Variants in PLCB2 observed in about 807,000 individuals in gnomAD.
The protein encoded by PLCB2 is phospholipase C beta 2.
In PLCB2, 115 loss-of-function variants were observed where a neutral mutation model predicts 141.7. The observed-to-expected ratio is 0.81, with a 90% CI of 0.70 to 0.95. The LOEUF (loss-of-function observed/expected upper bound fraction) is 0.95. Ranked by LOEUF, PLCB2 falls within the 40% of genes least tolerant of loss-of-function variation. The pLI, the probability that PLCB2 is intolerant of heterozygous loss-of-function variation, is 0.00. For synonymous variants in PLCB2, 603 were observed against 595.6 expected (o/e 1.01, Z -0.18); for missense variants, 1,403 against 1,541.1 (o/e 0.91, Z 1.50).
At chr15:40,295,108 A>C in intron 17 of PLCB2, 48 bp from the exon 18 acceptor site, 1 of 1,610,036 alleles carries the variant, frequency 6.2e-7, no homozygotes, top group Non-Finnish European at 8.5e-7. Flanking sequence ...CACCAGGAGA[A>C]CCTAACAGCT....
rs774851076 is a variant in PLCB2, at chr15:40,296,296, G to A, written c.1696C>T (p.Gln566Ter). The change falls in exon 16 of 32, where the codon CAA (glutamine) becomes TAA (stop). Residue 566 changes from glutamine (Q) to a stop codon, truncating the protein, a stop_gained and splice_region_variant. Transcript: ENST00000260402. LOFTEE classifies it high-confidence loss of function. Reference sequence around the variant, plus strand: ...CCGTAAGTTACTCATGCTAACTTACGGGCAGAGAACTCAAAGGAGACGAAC... The same window carrying A: ...CCGTAAGTTACTCATGCTAACTTACAGGCAGAGAACTCAAAGGAGACGAAC... ...TKFVSFEFSA[Q>*]KNRSYVISSF... 6 of 1,611,244 alleles carry A rather than the reference G, an allele frequency of 3.7e-6. No homozygotes were observed. Among genetic ancestry groups the A allele is most frequent in the East Asian group, 2.2e-5 (1 of 44,854 alleles).
intron 7 of PLCB2, 64 bp from the exon 8 acceptor site, chr15:40,299,292 G>A (rs944057263): frequency 3.2e-5 from 36 of 1,133,792 alleles, no homozygotes; most frequent in Admixed American, 1.6e-4. Flanking sequence ...CCACAAACTC[G>A]GCCCAGCCCT....
rs1244027960 is a variant in PLCB2 at position 40,291,317 on chromosome 15, C to G, written c.2818G>C (p.Gly940Arg). Reference protein sequence around the residue: ...QLAELGPPGVGGVGACKLGPG... With the variant: ...QLAELGPPGVRGVGACKLGPG... ...CCGAGCTTGCAGGCCCCGACGCCCC[C>G]CACGCCCGGTGGCCCGAGCTCCGCC... Residue 940 changes from glycine to arginine, a missense_variant, in exon 26 of 32, where the codon GGG (glycine) becomes CGG (arginine). Gly to Arg is a moderately radical substitution (Grantham distance 125, BLOSUM62 -2). Around this residue, in one of 4 missense-constraint regions of PLCB2, gnomAD observed 290 missense variants for 245.9 expected, o/e 1.18. Transcript: ENST00000260402. 1 of 1,543,126 alleles carries G rather than the reference C, an allele frequency of 6.5e-7. No individual in the cohort carries two copies. Among genetic ancestry groups the G allele is most frequent in the Non-Finnish European group, 8.7e-7 (1 of 1,152,962 alleles).
intron 3 of PLCB2, among the ~76,000 whole-genome samples, chr15:40,302,933 C>T (rs946535189): frequency 6.6e-6 from 1 of 152,200 alleles, no homozygotes; most frequent in Non-Finnish European, 1.5e-5. Flanking sequence ...CCCACCAATC[C>T]CTTCCTCCAA....
chr15:40,294,894 G>A, intron 18 of PLCB2, 42 bp downstream of exon 18: 1 of 1,613,396 alleles, frequency 6.2e-7, no homozygotes, highest in Non-Finnish European at 8.5e-7. Context: ...GGGGGGCGCA[G>A]GGACCAGGGA....
At chr15:40,298,468 A>G in intron 10 of PLCB2, 88 bp from the exon 11 acceptor site, 1 of 1,596,990 alleles carries the variant, frequency 6.3e-7, no homozygotes, top group Non-Finnish European at 8.6e-7. Flanking sequence ...GGTCTGTGTT[A>G]TTCTCAGGGC....
At position 40,291,387 on chromosome 15, in the gene PLCB2, T is replaced by G; in HGVS notation, c.2748A>C (p.Gly916=). The G allele has an allele frequency of 6.5e-7, 1 of 1,533,632 alleles. No homozygotes were observed. Residue 916 remains glycine, a synonymous_variant, in exon 26 of 32, where the codon GGA becomes GGC. Transcript: ENST00000260402. ...EKELRELERR[G]ARRWEELLQR... is the part of the protein sequence containing the mutation. ...GCAGCAGCTCCTCCCAGCGCCGCGCTCCGCGCCGCTCCAACTCTCGCAGCT... is the reference window on the plus strand; with the variant it reads ...GCAGCAGCTCCTCCCAGCGCCGCGCGCCGCGCCGCTCCAACTCTCGCAGCT...
chr15:40,298,083 C>T lies in PLCB2; in HGVS notation c.1156-124G>A, dbSNP rs1415245697. Reference sequence around the variant, plus strand: ...TAACTGCATGGCCGCCATTGGCCCCCAATCCCTGCTGGTCCCCAATGGTCT... The same window carrying T: ...TAACTGCATGGCCGCCATTGGCCCCTAATCCCTGCTGGTCCCCAATGGTCT... On this transcript the variant is annotated intron_variant, in intron 11 of 31. Coordinates refer to ENST00000260402, the MANE Select transcript of PLCB2 (RefSeq NM_004573.3). 4.2e-6 allele frequency: 5 copies of T among 1,186,710 alleles called. No individual in the cohort carries two copies. In the East Asian group the frequency reaches 1.2e-4, roughly 29 times the overall value. The allele number at this position is 1,186,710 out of a possible 1,614,324, so 73.5% of individuals were successfully genotyped here. A position where few individuals can be genotyped will look rare whatever the true frequency, so the allele number is the denominator to read the frequency against.
At chr15:40,296,491 C>A in intron 15 of PLCB2, 31 bp downstream of exon 15, 1 of 1,613,766 alleles carries the variant, frequency 6.2e-7, no homozygotes, top group Non-Finnish European at 8.5e-7. Context: ...TGGAGGATGA[C>A]ACAGAGGGGC....
intron 20 of PLCB2, among the ~76,000 whole-genome samples, 169 bp from the exon 21 acceptor site, chr15:40,293,194 C>T (rs1293355647): frequency 1.3e-5 from 2 of 152,216 alleles, no homozygotes; most frequent in Non-Finnish European, 2.9e-5. Flanking sequence ...GACATCCCCA[C>T]AGCACATGCC....
chr15:40,296,918 G>A lies in PLCB2; in HGVS notation c.1324-10C>T. The A allele has an allele frequency of 6.2e-7, 1 of 1,613,732 alleles. No individual in the cohort carries two copies. Among genetic ancestry groups the A allele is most frequent in the Non-Finnish European group, 8.5e-7 (1 of 1,179,868 alleles). On this transcript the variant is annotated splice_polypyrimidine_tract_variant and intron_variant, in intron 13 of 31. Coordinates refer to ENST00000260402, the MANE Select transcript of PLCB2 (RefSeq NM_004573.3). ...GGACACCTGGTTTTAGCTATGGAGT[G>A]GAGAGCAGGTCAGCACCATCTTCTC...
rs77734634 is a variant in PLCB2 at position 40,296,820 on chromosome 15, G to C, written c.1412C>G (p.Thr471Ser). ...CCCACCAGTATCCTTACTGGAGGAGGTGGGGCCAGAAAACTGGTTCTTCTT... is the reference window on the plus strand; with the variant it reads ...CCCACCAGTATCCTTACTGGAGGAGCTGGGGCCAGAAAACTGGTTCTTCTT... ...KNKKNQFSGP[T>S]SSSKDTGGEA... Residue 471 changes from threonine to serine, a missense_variant, in exon 14 of 32, where the codon ACC (threonine) becomes AGC (serine). Physicochemically the swap from Thr to Ser is moderately conservative, Grantham distance 58 (BLOSUM62 1). Around this residue, in one of 4 missense-constraint regions of PLCB2, gnomAD observed 975 missense variants for 1,141.1 expected, o/e 0.85. Transcript: ENST00000260402. 2 of 1,614,108 alleles carry C rather than the reference G, an allele frequency of 1.2e-6. No homozygotes were observed. The highest frequency in any genetic ancestry group is 2.2e-5 in the South Asian group (2 of 91,076).
At position 40,291,324 on chromosome 15, in the gene PLCB2, C is replaced by G; in HGVS notation, c.2811G>C (p.Pro937=). 2.0e-6 allele frequency: 3 copies of G among 1,536,994 alleles called. No homozygotes were observed. The highest frequency in any genetic ancestry group is 2.6e-6 in the Non-Finnish European group (3 of 1,149,616). Reference sequence around the variant, plus strand: ...TGCAGGCCCCGACGCCCCCCACGCCCGGTGGCCCGAGCTCCGCCAGCTGCG... The same window carrying G: ...TGCAGGCCCCGACGCCCCCCACGCCGGGTGGCCCGAGCTCCGCCAGCTGCG... ...GAAQLAELGP[P]GVGGVGACKL... is the part of the protein sequence containing the mutation. The change falls in exon 26 of 32, where the codon CCG becomes CCC. Residue 937 remains proline (P), a synonymous_variant. Transcript: ENST00000260402.
rs781540746 is a variant in PLCB2, at chr15:40,298,009, T to C, written c.1156-50A>G. ...ACAGAAGGTCAGCGTTCCGACTGCC[T>C]GTCTCGTGATAGCACTTTTCCCCCC... On this transcript the variant is annotated intron_variant, in intron 11 of 31. Transcript: ENST00000260402. The C allele has an allele frequency of 4.3e-6, 6 of 1,383,140 alleles. No individual in the cohort carries two copies. In the South Asian group the frequency reaches 5.9e-5, roughly 14 times the overall value. 85.7% of individuals were successfully genotyped at this position (1,383,140 alleles called of 1,614,324 possible). A position where few individuals can be genotyped will look rare whatever the true frequency, so the allele number is the denominator to read the frequency against.
At chr15:40,293,504 T>A (rs2040040160) in intron 20 of PLCB2, 56 bp downstream of exon 20, 1 of 1,547,142 alleles carries the variant, frequency 6.5e-7, no homozygotes, top group Admixed American at 1.7e-5. Context: ...TCCTCTTGTC[T>A]GTAAGTAGAG....
At chr15:40,301,566 C>A in intron 7 of PLCB2, 1 of 703,018 alleles carries the variant, frequency 1.4e-6, no homozygotes, top group Non-Finnish European at 2.6e-6. Context: ...CAGATCCCTG[C>A]AGACTGCCGC....
At chr15:40,303,891 C>G in intron 2 of PLCB2, 110 bp downstream of exon 2, 1 of 740,248 alleles carries the variant, frequency 1.4e-6, no homozygotes, top group South Asian at 1.7e-5. Context: ...CCCTTCCAGG[C>G]CATTCTGTAC....
chr15:40,290,713 G>A (rs1235734446), intron 28 of PLCB2, 41 bp from the exon 29 acceptor site: 4 of 1,611,510 alleles, frequency 2.5e-6, no homozygotes, highest in East Asian at 4.5e-5. Context: ...TTGTGCGGCT[G>A]AGCCCTTGCT....
intron 1 of PLCB2, among the ~76,000 whole-genome samples, chr15:40,304,643 C>T (rs3784397): frequency 0.61 from 92,239 of 151,408 alleles, 28,447 homozygotes; most frequent in East Asian, 0.79. Context: ...CTACAGTAAC[C>T]GGGGGGATGT....
Sources: allele counts gnomAD v4.1 joint callset (sites outside exome capture counted in the v4.1 genomes callset), GRCh38; gene constraint gnomAD v4.1.1; regional missense constraint gnomAD v4.1.1; transcripts MANE v1.5; gene names NCBI Gene and HGNC (gene_info 2026-07-23, HGNC 2026-07-21).